The following LIMCH1 variants were observed in gnomAD, a reference collection of about 807,000 sequenced individuals.
LIMCH1 encodes the protein LIM and calponin homology domains-containing protein 1.
A neutral mutation model predicts 176.5 loss-of-function variants in LIMCH1; 113 were observed. The observed-to-expected ratio is 0.64, with a 90% CI of 0.55 to 0.75. The LOEUF (loss-of-function observed/expected upper bound fraction) is 0.75, where lower values mean the gene tolerates loss of function less well. LIMCH1 is among the 30% of genes least tolerant of loss of function. The probability of loss-of-function intolerance (pLI) is 0.00; values close to 1 mark genes in which losing one functional copy is unlikely to be tolerated. For missense variants in LIMCH1, 1,674 were observed against 1,814.9 expected, an observed-to-expected ratio of 0.92 and a Z score of 1.41; for synonymous variants, 619 against 645.9, an observed-to-expected ratio of 0.96 and a Z score of 0.63.
intron 5 of LIMCH1, among the ~76,000 whole-genome samples, chr4:41,615,953 C>T (rs541565981): frequency 8.5e-5 from 13 of 152,296 alleles, no homozygotes; most frequent in Middle Eastern, 3.4e-3. Context: ...TGGTAGGATG[C>T]TGTAGATCCC....
chr4:41,410,706 C>T (rs965209775), intron 1 of LIMCH1, among the ~76,000 whole-genome samples: 4 of 152,186 alleles, frequency 2.6e-5, no homozygotes, highest in Non-Finnish European at 5.9e-5. Context: ...AGAGGTATTT[C>T]GGTCCCAGAT....
Position 41,697,203 on chromosome 4 carries a change from C to T in LIMCH1, c.*18C>T, listed in dbSNP as rs10027910. ...CATTGTGACACGGCTTTCAAGCTTC[C>T]GGATCACTCACCATTTCTTTACTGA... On this transcript the variant is annotated 3_prime_UTR_variant, in exon 32 of 32. Transcript: ENST00000503057. 7.4e-3 allele frequency: 11,943 copies of T among 1,612,750 alleles called. 365 individuals are homozygous for T. In the African/African-American group the frequency reaches 0.087, roughly 12 times the overall value.
At position 41,545,694 on chromosome 4, in the gene LIMCH1, T is replaced by C. The variant is rs191147627; in HGVS notation, c.-241+7344T>C. On this transcript the variant is annotated intron_variant, in intron 1 of 31. Transcript: ENST00000503057. ...ATTAAATGGTTATTTAATCAATAAA[T>C]GAGTGAGTGATCATCTCTTATGGTT... 4.0e-3 allele frequency among the ~76,000 whole-genome samples: 609 copies of C among 152,344 alleles called. 2 individuals are homozygous for C. Among genetic ancestry groups the C allele is most frequent in the Non-Finnish European group, 6.7e-3 (454 of 68,034 alleles).
chr4:41,651,260 C>G (rs111908534), intron 18 of LIMCH1, among the ~76,000 whole-genome samples: 2,232 of 152,280 alleles, frequency 0.015, 58 homozygotes, highest in African/African-American at 0.052. Flanking sequence ...CCACCTCAGC[C>G]TCCCAAAAGT....
Position 41,626,957 on chromosome 4 carries a change from C to T in LIMCH1, c.975C>T (p.Gly325=). 1 of 1,535,504 alleles carries T rather than the reference C, an allele frequency of 6.5e-7. No homozygotes were observed. The highest frequency in any genetic ancestry group is 1.2e-5 in the South Asian group (1 of 84,030). Residue 325 remains glycine, a synonymous_variant, in exon 8 of 32, where the codon GGC becomes GGT. Coordinates refer to ENST00000503057, the MANE Select transcript of LIMCH1 (RefSeq NM_001330672.2). ...YPKKGAEKSD[G]SKQLSKGISK... ...AGAAAGGGGCAGAGAAATCAGATGG[C>T]AGCAAACAGCTCTCAAAGGGAATCT...
intron 13 of LIMCH1, among the ~76,000 whole-genome samples, chr4:41,638,102 T>TTTATTG (rs758044658): frequency 6.7e-4 from 58 of 87,118 alleles, no homozygotes; most frequent in African/African-American, 2.2e-3. Context: ...GCTGTGTTGT[T>TTTATTG]TTGTTGTTGT....
chr4:41,470,477 A>G (rs1405264469), intron 1 of LIMCH1, among the ~76,000 whole-genome samples: 1 of 152,092 alleles, frequency 6.6e-6, no homozygotes, highest in Non-Finnish European at 1.5e-5. Flanking sequence ...TTCCTTTAGT[A>G]TGTGCCCTCT....
intron 17 of LIMCH1, among the ~76,000 whole-genome samples, chr4:41,649,873 C>CA (rs1234459497): frequency 3.3e-5 from 5 of 152,152 alleles, no homozygotes; most frequent in African/African-American, 9.7e-5. Flanking sequence ...TTCACTGTAA[C>CA]AGAGCATAGT....
chr4:41,568,638 G>A (rs995999855), intron 1 of LIMCH1, among the ~76,000 whole-genome samples: 3 of 152,224 alleles, frequency 2.0e-5, no homozygotes, highest in African/African-American at 4.8e-5. Context: ...AAATGTTGAT[G>A]AAATGTCTGT....
At chr4:41,602,692 C>A (rs2152759820) in intron 2 of LIMCH1, among the ~76,000 whole-genome samples, 1 of 152,004 alleles carries the variant, frequency 6.6e-6, no homozygotes, top group East Asian at 1.9e-4. Flanking sequence ...CCTGTAGTCC[C>A]AGCTATTCGG....
At chr4:41,489,622 T>C (rs2070368885) in intron 1 of LIMCH1, among the ~76,000 whole-genome samples, 1 of 152,182 alleles carries the variant, frequency 6.6e-6, no homozygotes, top group Admixed American at 6.5e-5. Flanking sequence ...GCTTAGAATT[T>C]AATTCCATTG....
Position 41,554,558 on chromosome 4 carries a change from G to A in LIMCH1, c.-241+16208G>A, listed in dbSNP as rs113115289. Among the ~76,000 whole-genome samples, 778 of 152,206 alleles carry A rather than the reference G, an allele frequency of 5.1e-3. 11 individuals carry two copies. Among genetic ancestry groups the A allele is most frequent in the African/African-American group, 0.018 (751 of 41,526 alleles). On this transcript the variant is annotated intron_variant, in intron 1 of 31. Transcript: ENST00000503057. Reference sequence around the variant, plus strand: ...GGGAACCATTATTTCCTATCCTCTGGACACACTGCTTCTATTAGTTATTAA... The same window carrying A: ...GGGAACCATTATTTCCTATCCTCTGAACACACTGCTTCTATTAGTTATTAA...
intron 3 of LIMCH1, among the ~76,000 whole-genome samples, chr4:41,529,927 C>T (rs74870915): frequency 0.039 from 5,894 of 152,168 alleles, 206 homozygotes; most frequent in East Asian, 0.12. Flanking sequence ...CATTCAGTAA[C>T]CCTAACCCAC....
intron 2 of LIMCH1, among the ~76,000 whole-genome samples, chr4:41,505,722 G>A (rs975046048): frequency 3.3e-5 from 5 of 152,042 alleles, no homozygotes; most frequent in African/African-American, 9.7e-5. Flanking sequence ...TCTTTGTACC[G>A]GATTGAGAGC....
intron 1 of LIMCH1, among the ~76,000 whole-genome samples, chr4:41,392,229 G>A (rs991754946): frequency 6.6e-6 from 1 of 152,152 alleles, no homozygotes; most frequent in African/African-American, 2.4e-5. Context: ...TAGTAGGGAT[G>A]TAATAAAAGA....
At chr4:41,597,971 C>T (rs1270462368) in intron 1 of LIMCH1, among the ~76,000 whole-genome samples, 1 of 152,172 alleles carries the variant, frequency 6.6e-6, no homozygotes, top group East Asian at 1.9e-4. Flanking sequence ...TCACCACCAT[C>T]GTTTCAGATT....
At chr4:41,554,964 TA>T (rs2081038761) in intron 1 of LIMCH1, among the ~76,000 whole-genome samples, 1 of 152,178 alleles carries the variant, frequency 6.6e-6, no homozygotes. Flanking sequence ...TAGTCAGGAT[TA>T]AAAGGCATTA....
intron 28 of LIMCH1, 131 bp from the exon 29 acceptor site, chr4:41,687,709 G>A (rs913991966): frequency 1.8e-6 from 1 of 562,890 alleles, no homozygotes; most frequent in Non-Finnish European, 3.2e-6. Flanking sequence ...GCCAGGAAAT[G>A]CTGTGGTCTT....
chr4:41,655,818 C>T (rs2094448458), intron 18 of LIMCH1, among the ~76,000 whole-genome samples: 1 of 152,126 alleles, frequency 6.6e-6, no homozygotes, highest in Admixed American at 6.5e-5. Flanking sequence ...CATGAGCCAC[C>T]ATGCCTGGCC....
Sources: gnomAD v4.1 joint callset for allele counts (sites outside exome capture counted in the v4.1 genomes callset) on GRCh38, gnomAD v4.1.1 for gene constraint, MANE v1.5 for transcripts, NCBI Gene and HGNC (gene_info 2026-07-23, HGNC 2026-07-21) for gene names.